The following PAK4 variants were observed in gnomAD, a reference collection of about 807,000 sequenced individuals.
PAK4 encodes the protein serine/threonine-protein kinase PAK 4.
A neutral mutation model predicts 53.5 loss-of-function variants in PAK4; 49 were observed. The observed-to-expected ratio is 0.92, with a 90% CI of 0.73 to 1.16. PAK4 has a LOEUF of 1.16. PAK4 is among the 50% of genes most tolerant of loss of function. The probability of loss-of-function intolerance (pLI) is 0.00; values close to 1 mark genes in which losing one functional copy is unlikely to be tolerated. For synonymous variants in PAK4, 376 were observed against 375.6 expected, an observed-to-expected ratio of 1.00 and a Z score of -0.01; for missense variants, 824 against 850.7, an observed-to-expected ratio of 0.97 and a Z score of 0.39.
At chr19:39,162,895 C>A (rs918551291) in intron 1 of PAK4, among the ~76,000 whole-genome samples, 1 of 151,990 alleles carries the variant, frequency 6.6e-6, no homozygotes, top group South Asian at 2.1e-4. Context: ...GGGGATGTGT[C>A]GGTCCCAAAC....
chr19:39,170,193 G>A (rs1568523833), intron 2 of PAK4, among the ~76,000 whole-genome samples: 2 of 152,164 alleles, frequency 1.3e-5, no homozygotes, highest in Non-Finnish European at 2.9e-5. Flanking sequence ...CCCGGAGGAG[G>A]CACCTGACAC....
exon 3 of PAK4, chr19:39,172,930 G>A: frequency 6.5e-7 from 1 of 1,538,498 alleles, no homozygotes; most frequent in South Asian, 1.2e-5. Flanking sequence ...CATCGTGCGG[G>A]GCAGCAAAGG....
intron 1 of PAK4, among the ~76,000 whole-genome samples, chr19:39,128,031 G>C (rs1031897226): frequency 6.6e-6 from 1 of 152,200 alleles, no homozygotes; most frequent in African/African-American, 2.4e-5. Context: ...AGGAGTACCT[G>C]TATGTGTGGA....
At chr19:39,177,475 T>A (rs943233271) in intron 7 of PAK4, among the ~76,000 whole-genome samples, 200 bp from the exon 9 acceptor site, 1 of 145,526 alleles carries the variant, frequency 6.9e-6, no homozygotes, top group Non-Finnish European at 1.5e-5. Context: ...GGGTGGGTGC[T>A]GGGGGGGCAG....
At chr19:39,150,421 C>T (rs531644664) in intron 1 of PAK4, among the ~76,000 whole-genome samples, 1 of 152,308 alleles carries the variant, frequency 6.6e-6, no homozygotes, top group South Asian at 2.1e-4. Context: ...GACTCATCAG[C>T]GAGCATTGCC....
chr19:39,133,851 G>C lies in PAK4; in HGVS notation c.-23+7932G>C, dbSNP rs539050902. Among the ~76,000 whole-genome samples, 59 of 152,314 alleles carry C rather than the reference G, an allele frequency of 3.9e-4. 1 individual carries two copies. The East Asian group carries it at 6.4e-3, about 16-fold the overall frequency. ...CACTTCACTCCCAGAGGCGGAAGGCGGCCGGTCTTCCTGGGCTGCGTGGGG... is the reference window on the plus strand; with the variant it reads ...CACTTCACTCCCAGAGGCGGAAGGCCGCCGGTCTTCCTGGGCTGCGTGGGG... On this transcript the variant is annotated intron_variant, in intron 1 of 8. Coordinates refer to ENST00000358301, the Ensembl canonical transcript of PAK4.
intron 1 of PAK4, among the ~76,000 whole-genome samples, chr19:39,155,825 G>T (rs1399013541): frequency 6.6e-6 from 1 of 152,216 alleles, no homozygotes; most frequent in Middle Eastern, 3.2e-3. Context: ...ATGATGAAAG[G>T]GGCCTGCTGA....
intron 1 of PAK4, among the ~76,000 whole-genome samples, chr19:39,140,851 T>C (rs982609290): frequency 4.6e-5 from 7 of 152,094 alleles, no homozygotes; most frequent in South Asian, 2.1e-4. Context: ...GGATAATGAT[T>C]CCTGCTGCCT....
intron 1 of PAK4, among the ~76,000 whole-genome samples, chr19:39,146,711 T>G (rs1483680278): frequency 2.0e-5 from 3 of 152,054 alleles, no homozygotes; most frequent in African/African-American, 7.2e-5. Context: ...TGTGATGCTG[T>G]GCACCTGGAG....
rs1438523395 is a variant in PAK4 at position 39,161,196 on chromosome 19, A to G, written c.-22-8336A>G. Among the ~76,000 whole-genome samples the G allele has an allele frequency of 6.6e-6, 1 of 152,224 alleles. No individual in the cohort carries two copies. The highest frequency in any genetic ancestry group is 1.9e-4 in the East Asian group (1 of 5,204). On this transcript the variant is annotated intron_variant, in intron 1 of 8. Coordinates refer to ENST00000358301, the Ensembl canonical transcript of PAK4. The surrounding 1 kb of genome is among the most constrained non-coding windows in gnomAD (Gnocchi z 4.5). ...TGTGAGTCCACGCCCTGCTGTAGGC[A>G]CTGAAATGCAGCCATCATGAACCAA...
intron 1 of PAK4, among the ~76,000 whole-genome samples, chr19:39,159,894 G>A (rs1321200906): frequency 6.6e-6 from 1 of 152,200 alleles, no homozygotes; most frequent in Admixed American, 6.5e-5. Flanking sequence ...TTCCAAAGGC[G>A]TCCCCCCCAC....
At chr19:39,128,495 A>G (rs1053912347) in intron 1 of PAK4, among the ~76,000 whole-genome samples, 2 of 152,214 alleles carry the variant, frequency 1.3e-5, no homozygotes, top group Non-Finnish European at 2.9e-5. Flanking sequence ...GCACAGATAA[A>G]GAAGGATAGG....
chr19:39,174,121 C>G, intron 4 of PAK4, 111 bp downstream of exon 5: 1 of 731,480 alleles, frequency 1.4e-6, no homozygotes, highest in East Asian at 2.7e-5. Flanking sequence ...CCAGGCTCCC[C>G]TCCTCCCCTC....
At chr19:39,143,083 C>G (rs2073936379) in intron 1 of PAK4, among the ~76,000 whole-genome samples, 1 of 152,016 alleles carries the variant, frequency 6.6e-6, no homozygotes, top group African/African-American at 2.4e-5. Context: ...TAGAGACCTC[C>G]CTGACTGTGC....
intron 1 of PAK4, among the ~76,000 whole-genome samples, chr19:39,165,991 G>T (rs1400292808): frequency 2.6e-5 from 4 of 152,192 alleles, no homozygotes; most frequent in Non-Finnish European, 4.4e-5. Flanking sequence ...CGGGTAAAGT[G>T]CCTGGAAGAG....
rs557625940 is a variant in PAK4 at position 39,175,331 on chromosome 19, G to T, written c.1252G>T (p.Ala418Ser). 6.3e-6 allele frequency: 10 copies of T among 1,588,920 alleles called. 1 individual carries two copies. In the South Asian group the frequency reaches 6.8e-5, roughly 11 times the overall value. ...CCGCAGGATGAACGAGGAGCAGATC[G>T]CGGCCGTGTGCCTTGCAGTGCTGCA... Residue 418 changes from alanine (A) to serine (S), a missense_variant, in exon 6 of 9, where the codon GCG becomes TCG. Ala to Ser is a moderately conservative substitution (Grantham distance 99). Around this residue, in one of 2 missense-constraint regions of PAK4, gnomAD observed 346 missense variants for 415.0 expected, o/e 0.83. Coordinates refer to ENST00000358301, the Ensembl canonical transcript of PAK4. This position sits in a 1 kb window ranked among gnomAD's most constrained non-coding sequence, Gnocchi z 4.7.
intron 1 of PAK4, among the ~76,000 whole-genome samples, chr19:39,160,716 C>T (rs931921162): frequency 6.6e-6 from 1 of 152,108 alleles, no homozygotes; most frequent in African/African-American, 2.4e-5. Context: ...CAGTCAGGGC[C>T]GTGTTGAATC....
rs1489035007 is a variant in PAK4, at chr19:39,178,454, C to T, written c.1651C>T (p.Arg551Cys). The T allele has an allele frequency of 1.0e-5, 16 of 1,597,642 alleles. No homozygotes were observed. The highest frequency in any genetic ancestry group is 2.3e-5 in the East Asian group (1 of 43,794). The change falls in exon 9 of 9, where the codon CGC becomes TGC. Residue 551 changes from arginine to cysteine, a missense_variant. By Grantham distance (180) the Arg-to-Cys change is radical. This residue lies in a region of PAK4 where 346 missense variants were observed against 415.0 expected (regional missense o/e 0.83). Transcript: ENST00000358301. The surrounding 1 kb of genome is among the most constrained non-coding windows in gnomAD (Gnocchi z 4.4). ...GCCATCCCTGAAGGGCTTCCTGGAC[C>T]GCCTGCTGGTGCGAGACCCTGCCCA...
chr19:39,152,944 G>A (rs558801894), intron 1 of PAK4, among the ~76,000 whole-genome samples: 1 of 152,230 alleles, frequency 6.6e-6, no homozygotes, highest in East Asian at 1.9e-4. Flanking sequence ...TTCCATCCGC[G>A]GTTATGGAGG....
Sources: gnomAD v4.1 joint callset for allele counts (sites outside exome capture counted in the v4.1 genomes callset) on GRCh38, gnomAD v4.1.1 for gene constraint, gnomAD v4.1.1 regional missense constraint, Gnocchi (gnomAD v3.1) non-coding constraint, MANE v1.5 for transcripts, NCBI Gene and HGNC (gene_info 2026-07-23, HGNC 2026-07-21) for gene names.